ACSM3: variants seen among roughly 807,000 people sequenced by gnomAD.
The protein encoded by ACSM3 is acyl-coenzyme A synthetase ACSM3, mitochondrial.
ACSM3 carries 61 observed loss-of-function variants against 74.1 expected under a neutral mutation model. That is an observed-to-expected ratio of 0.82 (90% confidence interval 0.67 to 1.02). ACSM3 has a LOEUF of 1.02. Among genes scored for constraint, ACSM3 ranks in the 50% least tolerant of loss-of-function variants. ACSM3 has a pLI of 0.00. For missense variants in ACSM3, 660 were observed against 697.0 expected (o/e 0.95, Z 0.60); for synonymous variants, 213 against 241.5 (o/e 0.88, Z 1.09).
chr16:20,750,841 C>T (rs1325991575), intron 2 of ACSM3, among the ~76,000 whole-genome samples: 1 of 75,170 alleles, frequency 1.3e-5, no homozygotes, highest in East Asian at 2.9e-4. Flanking sequence ...GTTTTGGAGT[C>T]AGGTTTTTTT....
At chr16:20,739,110 G>C in intron 1 of ACSM3, 1 of 1,602,060 alleles carries the variant, frequency 6.2e-7, no homozygotes. Context: ...TGACACAACA[G>C]CTCACATTTA....
At position 20,770,159 on chromosome 16, in the gene ACSM3, A is replaced by G; in HGVS notation, c.125A>G (p.Asn42Ser). Residue 42 changes from asparagine to serine, a missense_variant, in exon 2 of 14, where the codon AAC becomes AGC. Physicochemically the swap from Asn to Ser is conservative, Grantham distance 46. Coordinates refer to ENST00000289416, the MANE Select transcript of ACSM3 (RefSeq NM_005622.4). ...NRTATPQNFS[N>S]YESMKQDFKL... ...ACAGCAACCCCTCAGAATTTCTCCA[A>G]CTATGAATCCATGAAACAGGACTTC... 1 of 1,614,168 alleles carries G rather than the reference A, an allele frequency of 6.2e-7. No individual in the cohort carries two copies. The highest frequency in any genetic ancestry group is 8.5e-7 in the Non-Finnish European group (1 of 1,180,020).
At chr16:20,714,692 G>GGA (rs142667433) in intron 1 of ACSM3, among the ~76,000 whole-genome samples, 12 of 151,624 alleles carry the variant, frequency 7.9e-5, no homozygotes, top group South Asian at 6.2e-4. Flanking sequence ...ACCATCGGTT[G>GGA]GAGAGAGAGA....
At chr16:20,729,880 C>T (rs2079820451) in intron 1 of ACSM3, among the ~76,000 whole-genome samples, 1 of 152,120 alleles carries the variant, frequency 6.6e-6, no homozygotes, top group Non-Finnish European at 1.5e-5. Context: ...CTTAGTCTCT[C>T]TCCATTTTTG....
intron 1 of ACSM3, among the ~76,000 whole-genome samples, chr16:20,706,387 A>C (rs534506283): frequency 6.6e-6 from 1 of 152,356 alleles, no homozygotes; most frequent in South Asian, 2.1e-4. Flanking sequence ...CTACAGAAAC[A>C]AAGGAAGCTA....
At chr16:20,711,612 C>T (rs1596482850) in intron 1 of ACSM3, 2 of 1,130,042 alleles carry the variant, frequency 1.8e-6, no homozygotes, top group South Asian at 2.6e-5. Context: ...AGTGTCCTGA[C>T]TTTAAGACCA....
chr16:20,690,306 A>T (rs1464664802), intron 1 of ACSM3, among the ~76,000 whole-genome samples: 16 of 152,180 alleles, frequency 1.1e-4, no homozygotes, highest in Non-Finnish European at 2.2e-4. Context: ...TATAAATACC[A>T]TCCATTGTCT....
chr16:20,692,006 A>G (rs941054925), intron 1 of ACSM3, among the ~76,000 whole-genome samples: 3 of 152,170 alleles, frequency 2.0e-5, no homozygotes, highest in Non-Finnish European at 4.4e-5. Context: ...GTTCCTCTGC[A>G]TGTCTGCCCC....
chr16:20,717,963 GAA>G (rs1567323214), intron 1 of ACSM3, among the ~76,000 whole-genome samples: 2,368 of 92,896 alleles, frequency 0.025, 13 homozygotes, highest in Middle Eastern at 0.028. Flanking sequence ...AGAGGAAGAA[GAA>G]GAAGAAGAAG....
At chr16:20,789,400 A>G (rs2080543816) in intron 9 of ACSM3, 1 of 1,041,326 alleles carries the variant, frequency 9.6e-7, no homozygotes, top group Non-Finnish European at 1.5e-6. Context: ...TACTTAATAA[A>G]TGCTAGCTAC....
At chr16:20,739,176 ATT>A (rs34908456) in intron 1 of ACSM3, 36,831 of 771,118 alleles carry the variant, frequency 0.048, no homozygotes, top group Non-Finnish European at 0.054. Context: ...CTCAGTATTG[ATT>A]TTTTTTTTTT....
At chr16:20,791,001 C>G (rs2080585115) in intron 10 of ACSM3, 1 of 1,527,748 alleles carries the variant, frequency 6.5e-7, no homozygotes, top group African/African-American at 1.4e-5. Flanking sequence ...ACTCATTTTC[C>G]TGAAATCCAG....
chr16:20,742,940 ATTT>A (rs1218181518), intron 1 of ACSM3, among the ~76,000 whole-genome samples: 2 of 121,688 alleles, frequency 1.6e-5, no homozygotes, highest in Admixed American at 8.3e-5. Flanking sequence ...ATGTTTGTCT[ATTT>A]TTTTTTTTTT....
At chr16:20,724,229 C>A (rs377225379) in intron 1 of ACSM3, among the ~76,000 whole-genome samples, 1 of 152,008 alleles carries the variant, frequency 6.6e-6, no homozygotes, top group African/African-American at 2.4e-5. Flanking sequence ...GTTCAACATA[C>A]GAAAATCAAT....
intron 1 of ACSM3, among the ~76,000 whole-genome samples, chr16:20,740,004 C>T (rs867310252): frequency 6.6e-6 from 1 of 152,142 alleles, no homozygotes; most frequent in Non-Finnish European, 1.5e-5. Context: ...GTGCCTCACA[C>T]GACACTGTCC....
chr16:20,693,828 T>C lies in ACSM3; in HGVS notation c.-190+19006T>C, dbSNP rs1033434224. Among the ~76,000 whole-genome samples the C allele has an allele frequency of 2.6e-5, 4 of 152,346 alleles. 1 individual carries two copies. In the Middle Eastern group the frequency reaches 0.014, roughly 518 times the overall value. Reference sequence around the variant, plus strand: ...GGCAGGAATTTCCCCAAAGTCATGATGCAATTTTAATATTGTAAAAAGTAA... The same window carrying C: ...GGCAGGAATTTCCCCAAAGTCATGACGCAATTTTAATATTGTAAAAAGTAA... On this transcript the variant is annotated intron_variant, in intron 1 of 3. Coordinates refer to the ACSM3 transcript ENST00000561584.
intron 1 of ACSM3, chr16:20,735,031 A>G (rs1217676937): frequency 6.6e-6 from 1 of 152,342 alleles, no homozygotes; most frequent in Middle Eastern, 3.4e-3. Context: ...TTCAAGGCCA[A>G]GTGGCTGCAG....
chr16:20,756,988 ATCTATATC>A (rs1467909709), intron 3 of ACSM3, among the ~76,000 whole-genome samples: 3 of 151,562 alleles, frequency 2.0e-5, no homozygotes, highest in African/African-American at 7.3e-5. Context: ...TGTTCCATTG[ATCTATATC>A]TCTGTTTTGG....
At chr16:20,706,169 G>C (rs1417792340) in intron 1 of ACSM3, among the ~76,000 whole-genome samples, 1 of 151,512 alleles carries the variant, frequency 6.6e-6, no homozygotes, top group Non-Finnish European at 1.5e-5. Flanking sequence ...ATGACCAAAA[G>C]TTTTCCAGAT....
Sources: gnomAD v4.1 joint callset for allele counts (sites outside exome capture counted in the v4.1 genomes callset) on GRCh38, gnomAD v4.1.1 for gene constraint, MANE v1.5 for transcripts, NCBI Gene and HGNC (gene_info 2026-07-23, HGNC 2026-07-21) for gene names.